ANK2: variants seen among roughly 807,000 people sequenced by gnomAD.
The protein encoded by ANK2 is ankyrin 2, also known as ankyrin-2.
In ANK2, 83 loss-of-function variants were observed where a neutral mutation model predicts 360.5. The ratio of observed to expected loss-of-function variants is 0.23; its 90% CI spans 0.19 to 0.28. The LOEUF (loss-of-function observed/expected upper bound fraction) is 0.28. Among genes scored for constraint, ANK2 ranks in the 10% least tolerant of loss-of-function variants. ANK2 has a pLI of 1.00. For missense variants in ANK2, 4,201 were observed against 4,795.7 expected, an observed-to-expected ratio of 0.88 and a Z score of 3.66; for synonymous variants, 1,740 against 1,759.5, an observed-to-expected ratio of 0.99 and a Z score of 0.28.
chr4:112,788,310 G>A, the ANK2 span: 10 of 1,568,530 alleles, frequency 6.4e-6, 1 homozygote, highest in South Asian at 2.2e-5. Context: ...TGGACGAGAC[G>A]TCCCAGTCTT....
At chr4:113,373,582 C>T (rs1189148818) in intron 45 of ANK2, 133 bp downstream of exon 45, 1 of 960,770 alleles carries the variant, frequency 1.0e-6, no homozygotes. Flanking sequence ...CTTAGTTGCA[C>T]ATTCACCTTT....
intron 37 of ANK2, chr4:113,350,517 C>T: frequency 2.7e-6 from 1 of 371,854 alleles, no homozygotes; most frequent in South Asian, 3.8e-5. Context: ...CCTGGTATTG[C>T]TGTTATGCTT....
At chr4:113,035,446 C>A (rs2061386402) in intron 2 of ANK2, among the ~76,000 whole-genome samples, 1 of 151,832 alleles carries the variant, frequency 6.6e-6, no homozygotes, top group Admixed American at 6.6e-5. Context: ...GGAAATTTTT[C>A]ACCAGCCCAG....
the ANK2 span, among the ~76,000 whole-genome samples, chr4:112,728,427 A>AG: frequency 6.6e-6 from 1 of 152,022 alleles, no homozygotes; most frequent in South Asian, 2.1e-4. Flanking sequence ...ATACATTCTT[A>AG]GACACACACA....
intron 2 of ANK2, among the ~76,000 whole-genome samples, chr4:112,913,070 C>G (rs999981306): frequency 6.6e-6 from 1 of 151,864 alleles, no homozygotes; most frequent in Admixed American, 6.6e-5. Context: ...GCTCGGGATG[C>G]CTATGTAACC....
chr4:113,152,085 A>G (rs1487875310), intron 1 of ANK2, among the ~76,000 whole-genome samples: 5 of 79,528 alleles, frequency 6.3e-5, no homozygotes, highest in East Asian at 2.9e-4. Context: ...AAAAGAAAAA[A>G]AAAAAAAAAG....
chr4:112,940,832 C>G (rs962245862), intron 2 of ANK2, among the ~76,000 whole-genome samples: 2 of 152,050 alleles, frequency 1.3e-5, no homozygotes, highest in African/African-American at 4.8e-5. Context: ...CATCTATTTT[C>G]TCTTGATGAA....
intron 2 of ANK2, among the ~76,000 whole-genome samples, chr4:112,950,664 GA>G (rs904414367): frequency 7.3e-6 from 1 of 136,262 alleles, no homozygotes; most frequent in Admixed American, 7.3e-5. Context: ...AAAAAAAAAA[GA>G]AAAAAAGAAA....
At chr4:113,373,790 C>T (rs544732571) in intron 45 of ANK2, among the ~76,000 whole-genome samples, 4 of 152,134 alleles carry the variant, frequency 2.6e-5, no homozygotes, top group Non-Finnish European at 5.9e-5. Flanking sequence ...GTGGAGACAC[C>T]GTGTAGAAAC....
chr4:113,274,563 C>T lies in ANK2; in HGVS notation c.1597C>T (p.Pro533Ser), dbSNP rs2153688612. 1 of 1,614,212 alleles carries T rather than the reference C, an allele frequency of 6.2e-7. No individual in the cohort carries two copies. The highest frequency in any genetic ancestry group is 1.1e-5 in the South Asian group (1 of 91,088). ...PDAATTNGYT[P>S]LHISAREGQV... ...TGCGGCCACTACAAATGGGTACACA[C>T]CACTGCACATCTCTGCCCGGGAGGG... The change falls in exon 15 of 46, where the codon CCA (proline) becomes TCA (serine). Residue 533 changes from proline (P) to serine (S), a missense_variant. By Grantham distance (74) the Pro-to-Ser change is moderately conservative. Coordinates refer to ENST00000357077, the MANE Select transcript of ANK2 (RefSeq NM_001148.6).
the ANK2 span, among the ~76,000 whole-genome samples, chr4:112,757,919 TC>T: frequency 6.6e-6 from 1 of 151,192 alleles, no homozygotes; most frequent in Non-Finnish European, 1.5e-5. Flanking sequence ...CTCGCTCGTT[TC>T]TCAGGCTGGC....
chr4:113,354,192 ACCCTCT>A lies in ANK2; in HGVS notation c.5575_5580del (p.Pro1859_Ser1860del). ...AAACTGAGAAACACTCACCTGTGTCACCCTCTGCAAAAACGGAAAGACATTCACCTG... is the reference window on the plus strand; with the variant it reads ...AAACTGAGAAACACTCACCTGTGTCAGCAAAAACGGAAAGACATTCACCTG... On this transcript the variant is annotated inframe_deletion, in exon 38 of 46. Transcript: ENST00000357077. 1 of 1,614,002 alleles carries A rather than the reference ACCCTCT, an allele frequency of 6.2e-7. No individual in the cohort carries two copies. The highest frequency in any genetic ancestry group is 8.5e-7 in the Non-Finnish European group (1 of 1,179,932).
chr4:112,838,377 T>C (rs1473416631), intron 1 of ANK2, among the ~76,000 whole-genome samples: 2 of 152,228 alleles, frequency 1.3e-5, no homozygotes, highest in Non-Finnish European at 2.9e-5. Context: ...AGTGTGAGAA[T>C]GGACTAATAC....
chr4:113,243,004 C>G (rs191724429), intron 9 of ANK2, among the ~76,000 whole-genome samples: 9 of 152,144 alleles, frequency 5.9e-5, no homozygotes, highest in Admixed American at 5.9e-4. Context: ...TATTATTTAC[C>G]ATTTTTGAAA....
the ANK2 span, among the ~76,000 whole-genome samples, chr4:112,796,706 T>C: frequency 6.6e-6 from 1 of 150,914 alleles, no homozygotes; most frequent in Non-Finnish European, 1.5e-5. Flanking sequence ...TTATTTCAAA[T>C]AGGTACAGTG....
chr4:113,025,009 ACT>A (rs1460743712), intron 2 of ANK2, among the ~76,000 whole-genome samples: 2 of 152,036 alleles, frequency 1.3e-5, no homozygotes, highest in African/African-American at 4.8e-5. Context: ...TTGATTCATT[ACT>A]CTAGGAGTTT....
intron 1 of ANK2, chr4:112,827,366 A>AT: frequency 7.4e-7 from 1 of 1,349,540 alleles, no homozygotes; most frequent in Non-Finnish European, 1.1e-6. Flanking sequence ...CAGATACAGC[A>AT]TAGAGATGCT....
At chr4:113,244,243 A>G (rs373441902) in intron 9 of ANK2, among the ~76,000 whole-genome samples, 60 of 80,832 alleles carry the variant, frequency 7.4e-4, no homozygotes, top group African/African-American at 1.9e-3. Flanking sequence ...CCTTAAACAA[A>G]TAACTATTGA....
chr4:112,803,493 C>T, the ANK2 span, among the ~76,000 whole-genome samples: 4 of 151,960 alleles, frequency 2.6e-5, no homozygotes, highest in Non-Finnish European at 5.9e-5. Flanking sequence ...GATGCGGTCA[C>T]AAGTCAAAGA....
Sources: gnomAD v4.1 joint callset for allele counts (sites outside exome capture counted in the v4.1 genomes callset) on GRCh38, gnomAD v4.1.1 for gene constraint, MANE v1.5 for transcripts, NCBI Gene and HGNC (gene_info 2026-07-23, HGNC 2026-07-21) for gene names.